CREB5: variants seen among roughly 807,000 people sequenced by gnomAD.
CREB5 encodes the protein cAMP responsive element binding protein 5.
Under a neutral mutation model 57.1 loss-of-function variants are expected in CREB5, and 19 were observed. That is an observed-to-expected ratio of 0.33 (90% CI 0.23 to 0.49). The LOEUF is 0.49. Ranked by LOEUF, CREB5 falls within the 20% of genes least tolerant of loss-of-function variation. CREB5 has a pLI of 0.99. For synonymous variants in CREB5, 238 were observed against 238.3 expected (o/e 1.00, Z 0.01); for missense variants, 579 against 671.6 (o/e 0.86, Z 1.52).
At chr7:28,736,849 G>T (rs1210547990) in intron 7 of CREB5, among the ~76,000 whole-genome samples, 8 of 145,678 alleles carry the variant, frequency 5.5e-5, no homozygotes, top group Non-Finnish European at 1.1e-4. Context: ...TTTAACAGTA[G>T]GCCCCTGATG....
intron 4 of CREB5, among the ~76,000 whole-genome samples, chr7:28,560,875 C>CGCGTGCGT (rs1795127001): frequency 4.2e-4 from 8 of 19,220 alleles, no homozygotes; most frequent in East Asian, 3.8e-3. Flanking sequence ...CCTGCGTGCG[C>CGCGTGCGT]GTGCGTGCGT....
At chr7:28,495,940 A>C (rs1266347293) in intron 3 of CREB5, among the ~76,000 whole-genome samples, 1 of 152,030 alleles carries the variant, frequency 6.6e-6, no homozygotes, top group Non-Finnish European at 1.5e-5. Context: ...ATTGTGATTT[A>C]TTCTAATTTT....
intron 5 of CREB5, among the ~76,000 whole-genome samples, chr7:28,655,423 G>T (rs1319265941): frequency 6.6e-6 from 1 of 152,068 alleles, no homozygotes; most frequent in African/African-American, 2.4e-5. Flanking sequence ...CTTGGGCTGT[G>T]TGGCCATCCT....
In CREB5 at chr7:28,507,636, A is replaced by C. The variant is rs750199128; in HGVS notation, c.190A>C (p.Arg64=). 2 of 1,610,478 alleles carry C rather than the reference A, an allele frequency of 1.2e-6. No individual in the cohort carries two copies. The highest frequency in any genetic ancestry group is 2.7e-5 in the African/African-American group (2 of 74,896). Residue 64 remains arginine, a synonymous_variant, in exon 4 of 11, where the codon AGA becomes CGA. Transcript: ENST00000357727. ...MLSDQTPTPT[R]FLKNCEEVGL... ...TTCAGATCAAACTCCGACCCCAACG[A>C]GATTCCTGAAGAACTGCGAGGAGGT... is the stretch of plus-strand genomic sequence containing the variant.
At chr7:28,398,671 A>G (rs1469946657) in intron 1 of CREB5, among the ~76,000 whole-genome samples, 1 of 152,154 alleles carries the variant, frequency 6.6e-6, no homozygotes, top group African/African-American at 2.4e-5. Flanking sequence ...ATTAAAGTAA[A>G]TTTATGCAAC....
chr7:28,374,135 C>T (rs1240535919), intron 1 of CREB5, among the ~76,000 whole-genome samples: 2 of 152,100 alleles, frequency 1.3e-5, no homozygotes, highest in Admixed American at 1.3e-4. Context: ...CATTATTAGT[C>T]ATCCAGAAAA....
At chr7:28,362,155 AT>A (rs1786499888) in intron 1 of CREB5, among the ~76,000 whole-genome samples, 1 of 152,048 alleles carries the variant, frequency 6.6e-6, no homozygotes, top group African/African-American at 2.4e-5. Context: ...TTTTCATCCC[AT>A]TTTACCTTTA....
chr7:28,808,276 A>G lies in CREB5; in HGVS notation c.1027-911A>G, dbSNP rs73291313. Among the ~76,000 whole-genome samples, 776 of 152,352 alleles carry G rather than the reference A, an allele frequency of 5.1e-3. 5 individuals are homozygous for G. The highest frequency in any genetic ancestry group is 0.018 in the African/African-American group (741 of 41,594). Reference sequence around the variant, plus strand: ...TATGCAGGTCCAGCTAGTCCTCTGCATTAAGAACTGTGTAATAGTCAAAAT... The same window carrying G: ...TATGCAGGTCCAGCTAGTCCTCTGCGTTAAGAACTGTGTAATAGTCAAAAT... On this transcript the variant is annotated intron_variant, in intron 8 of 10. Coordinates refer to ENST00000357727, the MANE Select transcript of CREB5 (RefSeq NM_182898.4).
chr7:28,581,695 C>G (rs963177086), intron 5 of CREB5, among the ~76,000 whole-genome samples: 4 of 152,192 alleles, frequency 2.6e-5, no homozygotes, highest in African/African-American at 9.6e-5. Context: ...ATCAGGCCCA[C>G]TACAGTACAG....
At chr7:28,456,034 C>T (rs532845186) in intron 1 of CREB5, among the ~76,000 whole-genome samples, 1 of 152,308 alleles carries the variant, frequency 6.6e-6, no homozygotes, top group Admixed American at 6.5e-5. Flanking sequence ...AGGGGACCAT[C>T]GCATTTTCTC....
In CREB5 at chr7:28,552,829, A is replaced by G; in HGVS notation, c.292-17536A>G. 1.3e-5 allele frequency among the ~76,000 whole-genome samples: 2 copies of G among 152,240 alleles called. 1 individual carries two copies. Among genetic ancestry groups the G allele is most frequent in the East Asian group, 3.8e-4 (2 of 5,208 alleles). On this transcript the variant is annotated intron_variant, in intron 4 of 10. Coordinates refer to ENST00000357727, the MANE Select transcript of CREB5 (RefSeq NM_182898.4). ...AGGTTGAAATGAATTATCTGCGATG[A>G]AGTACGAGGTAGGCATGATCCTGGA...
At chr7:28,707,074 G>A (rs1184817186) in intron 5 of CREB5, among the ~76,000 whole-genome samples, 3 of 152,076 alleles carry the variant, frequency 2.0e-5, no homozygotes, top group African/African-American at 4.8e-5. Flanking sequence ...AGAGAAAGCC[G>A]GCTTCCCTGA....
intron 5 of CREB5, among the ~76,000 whole-genome samples, chr7:28,687,895 T>A (rs894878459): frequency 1.3e-5 from 2 of 152,134 alleles, no homozygotes; most frequent in Admixed American, 1.3e-4. Context: ...ATCTGGGCAC[T>A]ACTCTAAAGA....
intron 5 of CREB5, among the ~76,000 whole-genome samples, chr7:28,684,401 CA>C (rs1800747656): frequency 6.6e-6 from 1 of 152,204 alleles, no homozygotes; most frequent in South Asian, 2.1e-4. Context: ...GATGTCAAGC[CA>C]AAGGGCAGCT....
intron 4 of CREB5, among the ~76,000 whole-genome samples, chr7:28,530,848 G>A (rs987731713): frequency 2.6e-5 from 4 of 152,230 alleles, no homozygotes; most frequent in African/African-American, 9.6e-5. Context: ...ATGGAGGCCA[G>A]AGGAAAGGGA....
chr7:28,304,196 G>C (rs141352752), intron 1 of CREB5, among the ~76,000 whole-genome samples: 1 of 152,102 alleles, frequency 6.6e-6, no homozygotes, highest in Admixed American at 6.5e-5. Context: ...CAATTTTTGC[G>C]TGTGACCAGA....
chr7:28,765,852 C>A (rs1215187462), intron 7 of CREB5, among the ~76,000 whole-genome samples: 1 of 152,208 alleles, frequency 6.6e-6, no homozygotes, highest in Non-Finnish European at 1.5e-5. Context: ...CGAGCCTGCT[C>A]TCTACCCATT....
At chr7:28,774,047 G>C (rs1393191517) in intron 7 of CREB5, among the ~76,000 whole-genome samples, 1 of 152,184 alleles carries the variant, frequency 6.6e-6, no homozygotes, top group Non-Finnish European at 1.5e-5. Context: ...GTAGAGGAGA[G>C]TTTCGTACTC....
intron 5 of CREB5, among the ~76,000 whole-genome samples, chr7:28,654,251 C>A (rs957395683): frequency 6.6e-6 from 1 of 152,206 alleles, no homozygotes; most frequent in African/African-American, 2.4e-5. Flanking sequence ...ACAGCTCGCT[C>A]CCCCTCTTCT....
Sources: gnomAD v4.1 joint callset for allele counts (sites outside exome capture counted in the v4.1 genomes callset) on GRCh38, gnomAD v4.1.1 for gene constraint, MANE v1.5 for transcripts, NCBI Gene and HGNC (gene_info 2026-07-23, HGNC 2026-07-21) for gene names.